The following SNX10 variants were observed in gnomAD, a reference collection of about 807,000 sequenced individuals.
SNX10 encodes the protein sorting nexin 10.
In SNX10, 25 loss-of-function variants were observed where a neutral mutation model predicts 28.5. The observed-to-expected ratio is 0.88, with a 90% CI of 0.64 to 1.22. The LOEUF (loss-of-function observed/expected upper bound fraction) is 1.22, where lower values mean the gene tolerates loss of function less well. Ranked by LOEUF, SNX10 falls within the 50% of genes most tolerant of loss-of-function variation. The pLI, the probability that SNX10 is intolerant of heterozygous loss-of-function variation, is 0.00. For missense variants in SNX10, 223 were observed against 242.6 expected (o/e 0.92, Z 0.54); for synonymous variants, 62 against 81.4 (o/e 0.76, Z 1.28).
intron 2 of SNX10, among the ~76,000 whole-genome samples, chr7:26,349,112 C>T (rs866847841): frequency 1.3e-5 from 2 of 152,134 alleles, no homozygotes; most frequent in African/African-American, 2.4e-5. Context: ...TCCACCTAAT[C>T]GAATATGTAA....
At chr7:26,295,758 A>G (rs1346471254) in intron 1 of SNX10, among the ~76,000 whole-genome samples, 1 of 152,192 alleles carries the variant, frequency 6.6e-6, no homozygotes, top group Non-Finnish European at 1.5e-5. Flanking sequence ...AAAATACGAC[A>G]TCGTTTGGCA....
chr7:26,332,900 G>T (rs996690013), intron 1 of SNX10, among the ~76,000 whole-genome samples: 4 of 151,980 alleles, frequency 2.6e-5, no homozygotes, highest in Non-Finnish European at 5.9e-5. Flanking sequence ...TAAACCTATG[G>T]GTTTATTTCT....
At position 26,366,872 on chromosome 7, in the gene SNX10, T is replaced by G. The variant is rs3757659; in HGVS notation, c.311+1727T>G. 0.019 allele frequency among the ~76,000 whole-genome samples: 2,947 copies of G among 152,350 alleles called. 223 individuals are homozygous for G. The East Asian group carries it at 0.25, about 13-fold the overall frequency. On this transcript the variant is annotated intron_variant, in intron 5 of 6. Coordinates refer to ENST00000338523, the MANE Select transcript of SNX10 (RefSeq NM_013322.3). ...AAATGAATGACCCTGTGAGTGTCAT[T>G]CAGCCATAGTGGGGTTATGCTTGTG... is the stretch of plus-strand genomic sequence containing the variant.
At chr7:26,357,943 G>A (rs1011508885) in intron 2 of SNX10, among the ~76,000 whole-genome samples, 19 of 152,064 alleles carry the variant, frequency 1.2e-4, no homozygotes, top group African/African-American at 4.3e-4. Flanking sequence ...GCTTTGGGTG[G>A]GGTCCATCAG....
chr7:26,333,851 A>G (rs1787831263), intron 1 of SNX10, among the ~76,000 whole-genome samples: 1 of 152,124 alleles, frequency 6.6e-6, no homozygotes. Flanking sequence ...AAAGAATTTC[A>G]TGCACCCAGC....
chr7:26,342,934 G>A (rs963048253), intron 1 of SNX10, among the ~76,000 whole-genome samples: 3 of 152,122 alleles, frequency 2.0e-5, no homozygotes, highest in Non-Finnish European at 4.4e-5. Context: ...AGCCTCCCAA[G>A]TAGTAGCTGG....
chr7:26,340,696 C>T (rs1215982604), intron 1 of SNX10, among the ~76,000 whole-genome samples: 1 of 152,172 alleles, frequency 6.6e-6, no homozygotes, highest in Non-Finnish European at 1.5e-5. Flanking sequence ...TGTGTGTATC[C>T]AGCTGTAATG....
intron 1 of SNX10, among the ~76,000 whole-genome samples, chr7:26,302,650 G>A (rs1355442490): frequency 6.6e-6 from 1 of 152,166 alleles, no homozygotes; most frequent in Non-Finnish European, 1.5e-5. Context: ...TCTGCGGGGT[G>A]CACCCTCGGT....
At chr7:26,337,723 C>G (rs774511728) in intron 1 of SNX10, among the ~76,000 whole-genome samples, 1 of 152,210 alleles carries the variant, frequency 6.6e-6, no homozygotes, top group Non-Finnish European at 1.5e-5. Flanking sequence ...TTGATGGACA[C>G]TTAGGTTACT....
At chr7:26,334,318 G>C (rs1584131339) in intron 1 of SNX10, among the ~76,000 whole-genome samples, 1 of 152,234 alleles carries the variant, frequency 6.6e-6, no homozygotes, top group African/African-American at 2.4e-5. Flanking sequence ...TTTGAAGAGA[G>C]AGAATGTCAC....
intron 1 of SNX10, among the ~76,000 whole-genome samples, chr7:26,334,236 C>T (rs760779702): frequency 2.6e-5 from 4 of 152,164 alleles, no homozygotes; most frequent in Non-Finnish European, 5.9e-5. Context: ...CATTTTGATA[C>T]ATATGTACAA....
chr7:26,347,022 C>T (rs1369008120), intron 2 of SNX10, among the ~76,000 whole-genome samples: 2 of 152,196 alleles, frequency 1.3e-5, no homozygotes, highest in South Asian at 4.1e-4. Context: ...TTTGGCAGTA[C>T]GCATTGCCCT....
In SNX10 at chr7:26,364,601, C is replaced by T. The variant is rs747414477; in HGVS notation, c.178C>T (p.Leu60=). ...AAGAAGATATAGAGAATTCGTGTGGCTGAGGCAGAGACTCCAAAGTAATGC... is the reference window on the plus strand; with the variant it reads ...AAGAAGATATAGAGAATTCGTGTGGTTGAGGCAGAGACTCCAAAGTAATGC... ...VRRRYREFVW[L]RQRLQSNALL... Residue 60 remains leucine, a synonymous_variant, in exon 4 of 7, where the codon CTG becomes TTG. Coordinates refer to ENST00000338523, the MANE Select transcript of SNX10 (RefSeq NM_013322.3). The surrounding 1 kb of genome is among the most constrained non-coding windows in gnomAD (Gnocchi z 4.9). 1.1e-5 allele frequency: 18 copies of T among 1,613,818 alleles called. No homozygotes were observed. Among genetic ancestry groups the T allele is most frequent in the Non-Finnish European group, 1.5e-5 (18 of 1,179,790 alleles).
At chr7:26,348,194 C>T (rs1016072113) in intron 2 of SNX10, among the ~76,000 whole-genome samples, 1 of 152,174 alleles carries the variant, frequency 6.6e-6, no homozygotes, top group Non-Finnish European at 1.5e-5. Flanking sequence ...ACTTCCACCC[C>T]TAGAGGTGAC....
At chr7:26,365,797 C>G (rs1584176144) in intron 5 of SNX10, among the ~76,000 whole-genome samples, 2 of 152,118 alleles carry the variant, frequency 1.3e-5, no homozygotes, top group South Asian at 4.1e-4. Flanking sequence ...CTGATTTACA[C>G]CTAGACTCCG....
intron 3 of SNX10, among the ~76,000 whole-genome samples, chr7:26,361,854 T>C (rs1017657740): frequency 1.3e-5 from 2 of 152,240 alleles, no homozygotes; most frequent in African/African-American, 4.8e-5. Context: ...CTGTAGTTTA[T>C]TGGCCCCGAT....
intron 1 of SNX10, among the ~76,000 whole-genome samples, chr7:26,317,655 T>C: frequency 6.8e-6 from 1 of 147,416 alleles, no homozygotes; most frequent in East Asian, 2.0e-4. Context: ...TGATCTTCTT[T>C]GATCTTTTTT....
chr7:26,339,598 C>T (rs1157663917), intron 1 of SNX10, among the ~76,000 whole-genome samples: 1 of 142,724 alleles, frequency 7.0e-6, no homozygotes, highest in African/African-American at 2.7e-5. Flanking sequence ...GGCATGATCT[C>T]GGCTCACTGT....
chr7:26,305,672 A>G (rs937070843), intron 1 of SNX10, among the ~76,000 whole-genome samples: 2 of 152,164 alleles, frequency 1.3e-5, no homozygotes, highest in African/African-American at 4.8e-5. Flanking sequence ...CAGCTTAAAG[A>G]TTTACAACCA....
Sources: gnomAD v4.1 joint callset for allele counts (sites outside exome capture counted in the v4.1 genomes callset) on GRCh38, gnomAD v4.1.1 for gene constraint, Gnocchi (gnomAD v3.1) non-coding constraint, MANE v1.5 for transcripts, NCBI Gene and HGNC (gene_info 2026-07-23, HGNC 2026-07-21) for gene names.